Variants in LPP observed in about 807,000 individuals in gnomAD.
LPP encodes the protein LIM domain containing preferred translocation partner in lipoma, also known as lipoma-preferred partner.
In LPP, 38 loss-of-function variants were observed where a neutral mutation model predicts 60.4. That is an observed-to-expected ratio of 0.63 (90% CI 0.49 to 0.83). The LOEUF (loss-of-function observed/expected upper bound fraction) is 0.83. LPP is among the 40% of genes least tolerant of loss of function. The pLI, the probability that LPP is intolerant of heterozygous loss-of-function variation, is 0.00. For synonymous variants in LPP, 328 were observed against 290.8 expected, an observed-to-expected ratio of 1.13 and a Z score of -1.30; for missense variants, 902 against 783.6, an observed-to-expected ratio of 1.15 and a Z score of -1.80.
chr3:188,346,639 G>C (rs1324305757), intron 3 of LPP, among the ~76,000 whole-genome samples: 4 of 152,174 alleles, frequency 2.6e-5, no homozygotes, highest in Non-Finnish European at 5.9e-5. Context: ...GTTTGGGGCA[G>C]ATGTGAGGAT....
chr3:188,634,268 T>C (rs1463175874), intron 7 of LPP, among the ~76,000 whole-genome samples: 1 of 152,234 alleles, frequency 6.6e-6, no homozygotes, highest in Non-Finnish European at 1.5e-5. Context: ...CTATTATTTT[T>C]CTCATTTGCT....
At chr3:188,768,700 T>G (rs183255150) in intron 9 of LPP, among the ~76,000 whole-genome samples, 1 of 152,208 alleles carries the variant, frequency 6.6e-6, no homozygotes, top group Non-Finnish European at 1.5e-5. Flanking sequence ...CAAAGGTCCA[T>G]GTACCTGTTA....
chr3:188,542,576 A>C (rs1187339863), intron 6 of LPP, among the ~76,000 whole-genome samples: 2 of 152,156 alleles, frequency 1.3e-5, no homozygotes, highest in African/African-American at 4.8e-5. Context: ...GCATCTAAAC[A>C]CTTTTGTATA....
rs562632826 is a variant in LPP, at chr3:188,880,799, C to G, written c.*6320C>G. ...GTTCTACCAAGAAAGAGAAGCATCA[C>G]CATGTCATCTTGTGTTCTACACCAC... On this transcript the variant is annotated 3_prime_UTR_variant, in exon 12 of 12. Transcript: ENST00000617246. 1.1e-5 allele frequency: 2 copies of G among 180,732 alleles called. No homozygotes were observed. The highest frequency in any genetic ancestry group is 2.4e-5 in the Non-Finnish European group (2 of 84,662). 11.2% of individuals were successfully genotyped at this position (180,732 alleles called of 1,614,324 possible). A position where few individuals can be genotyped will look rare whatever the true frequency, so the allele number is the denominator to read the frequency against.
At chr3:188,827,918 A>G (rs1311520496) in intron 9 of LPP, among the ~76,000 whole-genome samples, 2 of 151,998 alleles carry the variant, frequency 1.3e-5, no homozygotes, top group African/African-American at 4.8e-5. Context: ...CCATTCTCCT[A>G]CCTTCCTCTC....
intron 2 of LPP, among the ~76,000 whole-genome samples, chr3:188,300,454 A>AC (rs780072751): frequency 8.0e-6 from 1 of 125,230 alleles, no homozygotes; most frequent in East Asian, 2.3e-4. Flanking sequence ...ACACTTGGCC[A>AC]TTTTTTTTTT....
chr3:188,358,455 T>C (rs1434523192), intron 3 of LPP, among the ~76,000 whole-genome samples: 1 of 152,208 alleles, frequency 6.6e-6, no homozygotes, highest in Non-Finnish European at 1.5e-5. Flanking sequence ...TTAAAGTAGA[T>C]AGAAACTTGC....
At chr3:188,223,774 G>T (rs1379292147) in intron 1 of LPP, among the ~76,000 whole-genome samples, 1 of 152,192 alleles carries the variant, frequency 6.6e-6, no homozygotes, top group African/African-American at 2.4e-5. Flanking sequence ...GCTTGCGGGT[G>T]AGGGTAGGGA....
At chr3:188,796,088 T>C (rs538582315) in intron 9 of LPP, among the ~76,000 whole-genome samples, 33 of 152,220 alleles carry the variant, frequency 2.2e-4, no homozygotes, top group Non-Finnish European at 4.7e-4. Flanking sequence ...AAGTTTCTAT[T>C]CTGTTAAGGG....
chr3:188,700,221 C>T (rs992112832), intron 7 of LPP, among the ~76,000 whole-genome samples: 10 of 151,978 alleles, frequency 6.6e-5, no homozygotes, highest in African/African-American at 1.2e-4. Context: ...GTGTTTTATC[C>T]GCCTGAGCGG....
At chr3:188,377,718 T>C (rs1224252914) in intron 3 of LPP, among the ~76,000 whole-genome samples, 1 of 152,246 alleles carries the variant, frequency 6.6e-6, no homozygotes, top group Non-Finnish European at 1.5e-5. Flanking sequence ...TCAAAGTCAT[T>C]CTCCGTCCAG....
At position 188,765,861 on chromosome 3, in the gene LPP, C is replaced by CTTTTTT. The variant is rs71169019; in HGVS notation, c.1410+5600_1410+5605dup. The stretch of plus-strand genomic sequence containing the variant: ...GCAACGTGCAACTTAATGTTCAACT[C>CTTTTTT]TTTTTTTTTTTTTTTTTTTTTTTTT... On this transcript the variant is annotated intron_variant, in intron 9 of 11. Transcript: ENST00000617246. Among the ~76,000 whole-genome samples, 222 of 92,624 alleles carry CTTTTTT rather than the reference C, an allele frequency of 2.4e-3. 38 individuals are homozygous for CTTTTTT. Among genetic ancestry groups the CTTTTTT allele is most frequent in the Middle Eastern group, 6.6e-3 (1 of 152 alleles). The allele number at this position is 92,624 out of a possible 152,430, so 60.8% of individuals were successfully genotyped here. A position where few individuals can be genotyped will look rare whatever the true frequency, so the allele number is the denominator to read the frequency against.
intron 5 of LPP, among the ~76,000 whole-genome samples, chr3:188,495,083 T>TATATA (rs57578460): frequency 1.8e-4 from 14 of 77,778 alleles, no homozygotes; most frequent in Admixed American, 7.6e-4. Context: ...TATATATATA[T>TATATA]TTTATTTATA....
At chr3:188,195,808 A>T (rs1292284961) in intron 1 of LPP, among the ~76,000 whole-genome samples, 2 of 152,226 alleles carry the variant, frequency 1.3e-5, no homozygotes, top group African/African-American at 2.4e-5. Context: ...TGGCTGCAGG[A>T]AATTAACAAT....
intron 6 of LPP, among the ~76,000 whole-genome samples, chr3:188,606,225 G>C (rs1417502699): frequency 6.6e-6 from 1 of 152,042 alleles, no homozygotes; most frequent in Non-Finnish European, 1.5e-5. Context: ...CCTGTCCTTC[G>C]TGACTCCTCT....
intron 6 of LPP, among the ~76,000 whole-genome samples, chr3:188,592,183 C>T (rs977744381): frequency 8.5e-5 from 13 of 152,148 alleles, no homozygotes; most frequent in African/African-American, 3.1e-4. Flanking sequence ...GCATATGCAT[C>T]TGTTAAAGCA....
intron 3 of LPP, among the ~76,000 whole-genome samples, chr3:188,396,811 G>A (rs1781061391): frequency 6.6e-6 from 1 of 151,060 alleles, no homozygotes; most frequent in South Asian, 2.1e-4. Context: ...GAAGAAACCT[G>A]CTAAGGAGCC....
At chr3:188,381,702 C>G (rs552068339) in intron 3 of LPP, among the ~76,000 whole-genome samples, 1 of 152,232 alleles carries the variant, frequency 6.6e-6, no homozygotes, top group East Asian at 1.9e-4. Context: ...GAGCTTTTCA[C>G]TTTTGAGAGC....
At chr3:188,398,363 C>A (rs1037054963) in intron 3 of LPP, among the ~76,000 whole-genome samples, 1 of 152,174 alleles carries the variant, frequency 6.6e-6, no homozygotes, top group Non-Finnish European at 1.5e-5. Context: ...ATAGAAAGTA[C>A]GCCCAAGTCC....
Sources: gnomAD v4.1 joint callset for allele counts (sites outside exome capture counted in the v4.1 genomes callset) on GRCh38, gnomAD v4.1.1 for gene constraint, MANE v1.5 for transcripts, NCBI Gene and HGNC (gene_info 2026-07-23, HGNC 2026-07-21) for gene names.